SLC44A5: variants seen among roughly 807,000 people sequenced by gnomAD.
The protein encoded by SLC44A5 is choline transporter-like protein 5.
In SLC44A5, 57 loss-of-function variants were observed where a neutral mutation model predicts 101.8. The observed-to-expected ratio is 0.56, with a 90% confidence interval of 0.45 to 0.70. The LOEUF (loss-of-function observed/expected upper bound fraction) is 0.70, where lower values mean the gene tolerates loss of function less well. Among genes scored for constraint, SLC44A5 ranks in the 30% least tolerant of loss-of-function variants. The pLI is 0.00. For missense variants in SLC44A5, 737 were observed against 853.1 expected (o/e 0.86, Z 1.70); for synonymous variants, 281 against 290.9 (o/e 0.97, Z 0.35).
At chr1:75,464,785 AG>A (rs1441305878) in intron 2 of SLC44A5, among the ~76,000 whole-genome samples, 1 of 152,180 alleles carries the variant, frequency 6.6e-6, no homozygotes, top group Non-Finnish European at 1.5e-5. Context: ...GAAGAGACAA[AG>A]GTCTCTGTAT....
chr1:75,480,565 C>T (rs1450174216), intron 2 of SLC44A5, among the ~76,000 whole-genome samples: 1 of 152,104 alleles, frequency 6.6e-6, no homozygotes, highest in South Asian at 2.1e-4. Flanking sequence ...TCTCAGGATA[C>T]AAAATCAATG....
chr1:75,393,370 A>T (rs1043753838), intron 3 of SLC44A5, among the ~76,000 whole-genome samples: 32 of 152,208 alleles, frequency 2.1e-4, no homozygotes, highest in African/African-American at 7.5e-4. Context: ...ACATATGCCC[A>T]TACATATGTA....
intron 4 of SLC44A5, among the ~76,000 whole-genome samples, chr1:75,307,901 T>G (rs1285557377): frequency 6.6e-6 from 1 of 152,192 alleles, no homozygotes; most frequent in African/African-American, 2.4e-5. Context: ...GTTACTGAAA[T>G]CAGAAACCTC....
intron 2 of SLC44A5, among the ~76,000 whole-genome samples, chr1:75,536,600 C>CAAAAAA (rs1192432333): frequency 9.3e-5 from 3 of 32,248 alleles, no homozygotes; most frequent in Admixed American, 3.9e-4. Flanking sequence ...GACTCCATCT[C>CAAAAAA]AAAAAAAAAA....
At chr1:75,241,312 C>T (rs1648609147) in intron 9 of SLC44A5, among the ~76,000 whole-genome samples, 2 of 152,002 alleles carry the variant, frequency 1.3e-5, no homozygotes. Context: ...CAGGCTTCAA[C>T]TCCTGGGCTC....
intron 23 of SLC44A5, among the ~76,000 whole-genome samples, chr1:75,210,943 T>C (rs1646841001): frequency 6.6e-6 from 1 of 152,200 alleles, no homozygotes; most frequent in African/African-American, 2.4e-5. Flanking sequence ...AATGTTTTGA[T>C]ATATGCATAT....
chr1:75,269,311 G>A (rs917392386), intron 6 of SLC44A5, among the ~76,000 whole-genome samples: 2 of 151,884 alleles, frequency 1.3e-5, no homozygotes, highest in African/African-American at 2.4e-5. Flanking sequence ...TAAAAAAGGT[G>A]TTGATACATT....
chr1:75,359,235 T>C (rs892941339), intron 3 of SLC44A5, among the ~76,000 whole-genome samples: 9 of 146,248 alleles, frequency 6.2e-5, no homozygotes, highest in East Asian at 3.9e-4. Flanking sequence ...CTTTTCTTTT[T>C]TTTTTTTTTT....
chr1:75,299,862 A>T (rs1330251157), intron 5 of SLC44A5, among the ~76,000 whole-genome samples: 60 of 151,464 alleles, frequency 4.0e-4, no homozygotes, highest in Admixed American at 3.5e-3. Context: ...AAAAAAATAC[A>T]AAAATTAGCT....
At chr1:75,572,674 C>G (rs1295459224) in intron 1 of SLC44A5, among the ~76,000 whole-genome samples, 2 of 151,968 alleles carry the variant, frequency 1.3e-5, no homozygotes, top group Non-Finnish European at 2.9e-5. Context: ...GAGGTACTGT[C>G]CATTGTCAAT....
At chr1:75,460,305 T>A (rs867356640) in intron 2 of SLC44A5, among the ~76,000 whole-genome samples, 3 of 152,210 alleles carry the variant, frequency 2.0e-5, no homozygotes, top group Non-Finnish European at 4.4e-5. Context: ...CCCAACTTTA[T>A]TTGGAATGAA....
intron 20 of SLC44A5, 64 bp from the exon 21 acceptor site, chr1:75,214,053 A>AC: frequency 1.9e-6 from 2 of 1,028,808 alleles, no homozygotes; most frequent in Non-Finnish European, 2.9e-6. Flanking sequence ...CTTGAAATTT[A>AC]TGGCAGTAAA....
At chr1:75,685,669 G>A in the SLC44A5 span, among the ~76,000 whole-genome samples, 1 of 152,010 alleles carries the variant, frequency 6.6e-6, no homozygotes, top group African/African-American at 2.4e-5. Context: ...TGAGCCCTTC[G>A]AGTCTCTGGG....
chr1:75,462,287 G>T (rs143731705), intron 2 of SLC44A5, among the ~76,000 whole-genome samples: 60 of 152,144 alleles, frequency 3.9e-4, no homozygotes, highest in Admixed American at 3.7e-3. Context: ...GAACATCAAG[G>T]TGGCACCTCT....
the SLC44A5 span, chr1:75,677,989 G>T: frequency 5.4e-6 from 1 of 184,268 alleles, no homozygotes; most frequent in Non-Finnish European, 1.1e-5. Flanking sequence ...CCTAATCAAA[G>T]AAAGGGGTGA....
intron 1 of SLC44A5, among the ~76,000 whole-genome samples, chr1:75,596,661 T>C (rs1674653530): frequency 6.6e-6 from 1 of 152,114 alleles, no homozygotes; most frequent in Non-Finnish European, 1.5e-5. Context: ...TGCAAATCAA[T>C]AGTGATTCAT....
chr1:75,649,175 C>A, the SLC44A5 span, among the ~76,000 whole-genome samples: 14,178 of 152,140 alleles, frequency 0.093, 865 homozygotes, highest in East Asian at 0.25. Flanking sequence ...GGAGAAGCAT[C>A]ATTTTCATTC....
chr1:75,326,947 A>G (rs1237135745), intron 4 of SLC44A5, among the ~76,000 whole-genome samples: 2 of 152,166 alleles, frequency 1.3e-5, no homozygotes, highest in Admixed American at 6.6e-5. Flanking sequence ...ATGCTAATAC[A>G]TATTACAATG....
chr1:75,560,857 A>G (rs1026942624), intron 1 of SLC44A5, among the ~76,000 whole-genome samples: 2 of 152,212 alleles, frequency 1.3e-5, no homozygotes, highest in Non-Finnish European at 2.9e-5. Context: ...TAATTTAGTT[A>G]CCTTTTAAAG....
Sources: allele counts gnomAD v4.1 joint callset (sites outside exome capture counted in the v4.1 genomes callset), GRCh38; gene constraint gnomAD v4.1.1; transcripts MANE v1.5; gene names NCBI Gene and HGNC (gene_info 2026-07-23, HGNC 2026-07-21).